The following ASIC5 variants were observed in gnomAD, a reference collection of about 807,000 sequenced individuals.
ASIC5 encodes the protein bile acid-sensitive ion channel.
A neutral mutation model predicts 51.2 loss-of-function variants in ASIC5; 52 were observed. The ratio of observed to expected loss-of-function variants is 1.02; its 90% confidence interval spans 0.81 to 1.28. The LOEUF (loss-of-function observed/expected upper bound fraction) is 1.28, where lower values mean the gene tolerates loss of function less well. Among genes scored for constraint, ASIC5 ranks in the 50% most tolerant of loss-of-function variants. The pLI is 0.00. For missense variants in ASIC5, 635 were observed against 595.0 expected (o/e 1.07, Z -0.70); for synonymous variants, 231 against 200.7 (o/e 1.15, Z -1.28).
At chr4:155,830,590 A>G (rs935130832) in intron 9 of ASIC5, among the ~76,000 whole-genome samples, 1 of 152,198 alleles carries the variant, frequency 6.6e-6, no homozygotes, top group African/African-American at 2.4e-5. Flanking sequence ...GTGGTAAAAT[A>G]TATATACCCT....
intron 7 of ASIC5, among the ~76,000 whole-genome samples, chr4:155,837,425 G>A (rs562028286): frequency 2.0e-5 from 3 of 152,136 alleles, no homozygotes; most frequent in African/African-American, 7.2e-5. Context: ...CAACCAGGCT[G>A]TCCATGCAAA....
chr4:155,847,929 T>C (rs1741294467), intron 4 of ASIC5, among the ~76,000 whole-genome samples: 1 of 152,056 alleles, frequency 6.6e-6, no homozygotes, highest in Non-Finnish European at 1.5e-5. Context: ...GACCAGCATA[T>C]GGACTCCTGT....
chr4:155,831,448 GA>G (rs547566680), intron 9 of ASIC5, among the ~76,000 whole-genome samples: 2 of 151,910 alleles, frequency 1.3e-5, no homozygotes, highest in South Asian at 2.1e-4. Context: ...AAATATCAAA[GA>G]AAAAAAACTG....
chr4:155,855,464 A>G (rs540551731), intron 2 of ASIC5: 10 of 152,054 alleles, frequency 6.6e-5, no homozygotes, highest in African/African-American at 2.4e-4. Flanking sequence ...ATGGTTCTTC[A>G]TTTGCATGCC....
chr4:155,856,775 C>A (rs1741552155), intron 2 of ASIC5, among the ~76,000 whole-genome samples: 1 of 152,048 alleles, frequency 6.6e-6, no homozygotes, highest in African/African-American at 2.4e-5. Context: ...AGGTTCCCAA[C>A]AATCTGCTCC....
At position 155,829,833 on chromosome 4, in the gene ASIC5, A is replaced by T; in HGVS notation, c.*23T>A. 1 of 1,429,072 alleles carries T rather than the reference A, an allele frequency of 7.0e-7. No homozygotes were observed. Among genetic ancestry groups the T allele is most frequent in the Non-Finnish European group, 9.3e-7 (1 of 1,069,842 alleles). The allele number at this position is 1,429,072 out of a possible 1,614,324, so 88.5% of individuals were successfully genotyped here. The stretch of plus-strand genomic sequence containing the variant: ...AAATCTGAAGGTATCATGAAAAGGA[A>T]ACTATTTTATTCTAAGTGACCATTA... On this transcript the variant is annotated 3_prime_UTR_variant, in exon 10 of 10. Coordinates refer to ENST00000537611, the MANE Select transcript of ASIC5 (RefSeq NM_017419.3).
intron 3 of ASIC5, 24 bp from the exon 4 acceptor site, chr4:155,852,340 A>T: frequency 1.3e-6 from 2 of 1,568,170 alleles, no homozygotes; most frequent in Non-Finnish European, 1.7e-6. Context: ...ATGAACCAAA[A>T]AAAACCATCA....
chr4:155,835,159 A>T (rs1466238393), intron 8 of ASIC5, among the ~76,000 whole-genome samples: 2 of 152,138 alleles, frequency 1.3e-5, no homozygotes, highest in African/African-American at 4.8e-5. Flanking sequence ...CATTGAGCTG[A>T]TTAACCCTCC....
intron 9 of ASIC5, among the ~76,000 whole-genome samples, chr4:155,830,780 A>ACCAC (rs1038811683): frequency 6.6e-6 from 1 of 152,140 alleles, no homozygotes; most frequent in African/African-American, 2.4e-5. Flanking sequence ...GCCCATGACA[A>ACCAC]CCACTCTTTT....
chr4:155,839,618 T>C (rs1002265510), intron 6 of ASIC5, among the ~76,000 whole-genome samples: 3 of 152,102 alleles, frequency 2.0e-5, no homozygotes, highest in Non-Finnish European at 4.4e-5. Context: ...GTCAGTAATC[T>C]TGAAAATAAC....
chr4:155,857,589 T>C (rs1174934691), intron 2 of ASIC5, among the ~76,000 whole-genome samples: 8 of 152,098 alleles, frequency 5.3e-5, no homozygotes, highest in Admixed American at 6.6e-5. Flanking sequence ...TAACATCTGC[T>C]AACCAGTTAT....
chr4:155,852,268 G>C lies in ASIC5; in HGVS notation c.634C>G (p.His212Asp). 1 of 1,597,774 alleles carries C rather than the reference G, an allele frequency of 6.3e-7. No individual in the cohort carries two copies. The highest frequency in any genetic ancestry group is 1.4e-5 in the African/African-American group (1 of 73,564). ...TEYGNCFTFN[H>D]GETLQAKRKV... is the part of the protein sequence containing the mutation. ...CTCTTTGCTTGGAGAGTTTCACCAT[G>C]ATTAAAAGTAAAACAATTTCCATAT... The change falls in exon 4 of 10, where the codon CAT (histidine) becomes GAT (aspartate). Residue 212 changes from histidine to aspartate, a missense_variant. Transcript: ENST00000537611.
At chr4:155,854,698 A>G (rs149889063) in intron 2 of ASIC5, 50 of 198,522 alleles carry the variant, frequency 2.5e-4, no homozygotes, top group African/African-American at 1.2e-3. Flanking sequence ...CAGCATTCCC[A>G]TCCTTGTATA....
chr4:155,848,776 A>C (rs1420101613), intron 4 of ASIC5, among the ~76,000 whole-genome samples: 1 of 152,084 alleles, frequency 6.6e-6, no homozygotes, highest in East Asian at 1.9e-4. Context: ...ACTCATGGAG[A>C]GCTAAAATGT....
At position 155,838,768 on chromosome 4, in the gene ASIC5, A is replaced by G. The variant is rs547327086; in HGVS notation, c.1066+45T>C. 2.9e-5 allele frequency: 35 copies of G among 1,201,510 alleles called. 1 individual carries two copies. The South Asian group carries it at 4.4e-4, about 15-fold the overall frequency. The allele number at this position is 1,201,510 out of a possible 1,614,324, so 74.4% of individuals were successfully genotyped here. A position where few individuals can be genotyped will look rare whatever the true frequency, so the allele number is the denominator to read the frequency against. ...CTTAATGTCTTATATTACTTTGAGC[A>G]ACTTTAATATAAATCCTGAAAATAA... On this transcript the variant is annotated intron_variant, in intron 7 of 9. Coordinates refer to ENST00000537611, the MANE Select transcript of ASIC5 (RefSeq NM_017419.3).
rs188135252 is a variant in ASIC5, at chr4:155,838,317, G to A, written c.1066+496C>T. On this transcript the variant is annotated intron_variant, in intron 7 of 9. Coordinates refer to ENST00000537611, the MANE Select transcript of ASIC5 (RefSeq NM_017419.3). ...GTAAGAGGTGTGAAAGCAAAAAAAA[G>A]AGGGGGCTCTTTAATAAGAACTTGT... is the stretch of plus-strand genomic sequence containing the variant. 9.2e-4 allele frequency among the ~76,000 whole-genome samples: 139 copies of A among 151,888 alleles called. 2 individuals are homozygous for A. In the East Asian group the frequency reaches 0.026, roughly 28 times the overall value.
At chr4:155,861,630 T>C (rs1419419788) in intron 2 of ASIC5, among the ~76,000 whole-genome samples, 3 of 152,054 alleles carry the variant, frequency 2.0e-5, no homozygotes, top group African/African-American at 7.2e-5. Flanking sequence ...CTGATAACCT[T>C]TGCCTTTCAA....
intron 4 of ASIC5, among the ~76,000 whole-genome samples, chr4:155,848,166 T>TA (rs1020856521): frequency 6.6e-5 from 10 of 151,574 alleles, no homozygotes; most frequent in Non-Finnish European, 1.2e-4. Flanking sequence ...TTTCTTTTTT[T>TA]AAAAAAAAAT....
intron 2 of ASIC5, among the ~76,000 whole-genome samples, chr4:155,857,870 T>C (rs1741586266): frequency 6.6e-6 from 1 of 152,140 alleles, no homozygotes; most frequent in African/African-American, 2.4e-5. Flanking sequence ...TTGTTGTGTC[T>C]TTATATTTGT....
Sources: gnomAD v4.1 joint callset for allele counts (sites outside exome capture counted in the v4.1 genomes callset) on GRCh38, gnomAD v4.1.1 for gene constraint, MANE v1.5 for transcripts, NCBI Gene and HGNC (gene_info 2026-07-23, HGNC 2026-07-21) for gene names.